Variants in GAS7 observed in about 807,000 individuals in gnomAD.
GAS7 encodes growth arrest-specific protein 7.
A neutral mutation model predicts 71.1 loss-of-function variants in GAS7; 28 were observed. That is an observed-to-expected ratio of 0.39 (90% confidence interval 0.29 to 0.54). The LOEUF is 0.54. Ranked by LOEUF, GAS7 falls within the 20% of genes least tolerant of loss-of-function variation. GAS7 has a pLI of 0.62. For synonymous variants in GAS7, 258 were observed against 245.8 expected (o/e 1.05, Z -0.46); for missense variants, 436 against 627.8 (o/e 0.69, Z 3.27).
chr17:10,032,491 A>G (rs1287484898), intron 1 of GAS7, among the ~76,000 whole-genome samples: 1 of 152,210 alleles, frequency 6.6e-6, no homozygotes, highest in Admixed American at 6.5e-5. Context: ...CCAGACAGCA[A>G]GCTGTGATGT....
At chr17:10,121,616 G>A (rs1394030808) in intron 1 of GAS7, among the ~76,000 whole-genome samples, 1 of 152,138 alleles carries the variant, frequency 6.6e-6, no homozygotes, top group African/African-American at 2.4e-5. Context: ...ATCATATTAT[G>A]TAAATGCTGT....
At chr17:10,054,169 T>C (rs180696439) in intron 1 of GAS7, among the ~76,000 whole-genome samples, 2 of 152,258 alleles carry the variant, frequency 1.3e-5, no homozygotes, top group Admixed American at 1.3e-4. Flanking sequence ...TAACTTTTTT[T>C]TTTTTGAAAA....
chr17:9,976,733 C>T (rs2152124187), intron 3 of GAS7, among the ~76,000 whole-genome samples: 1 of 152,322 alleles, frequency 6.6e-6, no homozygotes, highest in Admixed American at 6.5e-5. Flanking sequence ...TGAGCAAAGC[C>T]AGATCCTGAA....
chr17:10,043,010 T>C (rs2072895122), intron 1 of GAS7, among the ~76,000 whole-genome samples: 1 of 152,128 alleles, frequency 6.6e-6, no homozygotes, highest in African/African-American at 2.4e-5. Flanking sequence ...GTCTGGCCCT[T>C]GGCACATGGA....
Position 9,940,176 on chromosome 17 carries a change from C to T in GAS7, c.756G>A (p.Ala252=), listed in dbSNP as rs369964356. The change falls in exon 8 of 14, where the codon GCG becomes GCA. Residue 252 remains alanine (A), a synonymous_variant. Transcript: ENST00000432992. ...RERIKIEEDY[A]KNLAKLSQNS... ...TCTGAGAGAGCTTAGCTAAGTTCTTCGCATAGTCTTCTTCAATCTTTATCC... is the reference window on the plus strand; with the variant it reads ...TCTGAGAGAGCTTAGCTAAGTTCTTTGCATAGTCTTCTTCAATCTTTATCC... 5.0e-5 allele frequency: 80 copies of T among 1,612,914 alleles called. No homozygotes were observed. Among genetic ancestry groups the T allele is most frequent in the African/African-American group, 3.2e-4 (24 of 75,020 alleles).
intron 5 of GAS7, among the ~76,000 whole-genome samples, chr17:9,954,957 T>C (rs1597534506): frequency 6.6e-6 from 1 of 152,302 alleles, no homozygotes; most frequent in East Asian, 1.9e-4. Context: ...TGGAAGCAAC[T>C]GGAGCCTCGA....
intron 2 of GAS7, among the ~76,000 whole-genome samples, chr17:9,987,276 G>A (rs574518399): frequency 6.6e-6 from 1 of 152,296 alleles, no homozygotes; most frequent in African/African-American, 2.4e-5. Flanking sequence ...GTGCCCCGGG[G>A]AGCCTCTTCC....
At chr17:10,076,162 G>A (rs941768158) in intron 1 of GAS7, among the ~76,000 whole-genome samples, 11 of 128,600 alleles carry the variant, frequency 8.6e-5, no homozygotes, top group African/African-American at 3.3e-4. Flanking sequence ...GGAAAGGGAA[G>A]GGGAAAGGGA....
chr17:9,966,279 T>C (rs1226559191), intron 4 of GAS7, among the ~76,000 whole-genome samples: 1 of 150,600 alleles, frequency 6.6e-6, no homozygotes, highest in Non-Finnish European at 1.5e-5. Context: ...ATTACAGGCT[T>C]GAGCCACCAC....
At chr17:10,114,037 C>T (rs530876302) in intron 1 of GAS7, among the ~76,000 whole-genome samples, 12 of 152,146 alleles carry the variant, frequency 7.9e-5, no homozygotes, top group Non-Finnish European at 1.8e-4. Context: ...GCCTCAGCCT[C>T]CCGAGTAGCT....
At chr17:9,943,336 T>TTG (rs2068675438) in intron 6 of GAS7, 100 bp from the exon 7 acceptor site, 3 of 743,652 alleles carry the variant, frequency 4.0e-6, no homozygotes, top group Non-Finnish European at 7.3e-6. Flanking sequence ...TGCCTGGCAA[T>TTG]CCCAGTCCAG....
At chr17:9,954,554 A>G (rs1171208361) in intron 5 of GAS7, among the ~76,000 whole-genome samples, 4 of 152,136 alleles carry the variant, frequency 2.6e-5, no homozygotes, top group Non-Finnish European at 2.9e-5. Flanking sequence ...GGGATACTCT[A>G]CAGGTAGCCC....
chr17:10,126,366 G>GCACACACACA (rs1491044032), intron 1 of GAS7, among the ~76,000 whole-genome samples: 2 of 40,696 alleles, frequency 4.9e-5, no homozygotes, highest in Non-Finnish European at 1.5e-4. Context: ...ACACACTCTT[G>GCACACACACA]CACACACACC....
chr17:10,182,371 G>A (rs1203030103), intron 1 of GAS7, among the ~76,000 whole-genome samples: 3 of 152,284 alleles, frequency 2.0e-5, no homozygotes, highest in African/African-American at 7.2e-5. Context: ...TGTTGGCCAG[G>A]CTGATCTTGA....
chr17:10,173,215 T>G (rs2074348266), intron 1 of GAS7, among the ~76,000 whole-genome samples: 1 of 151,844 alleles, frequency 6.6e-6, no homozygotes, highest in African/African-American at 2.4e-5. Flanking sequence ...GCTTAATGAG[T>G]ATGGGTTACT....
intron 1 of GAS7, among the ~76,000 whole-genome samples, chr17:10,172,112 G>C (rs2074339622): frequency 6.6e-6 from 1 of 152,186 alleles, no homozygotes; most frequent in Non-Finnish European, 1.5e-5. Context: ...CCTCGGGTCT[G>C]CTTGTTTGGA....
rs1393699775 is a variant in GAS7 at position 9,919,788 on chromosome 17, C to G, written c.1139-83G>C. ...CCCCACCCTGAGCCCCACAGCCAAG[C>G]CTTCTCCTCCCCCTGGGGTCATGGT... On this transcript the variant is annotated intron_variant, in intron 11 of 13. Transcript: ENST00000432992. This position sits in a 1 kb window ranked among gnomAD's most constrained non-coding sequence, Gnocchi z 5.0. The G allele has an allele frequency of 4.0e-6, 4 of 991,274 alleles. No homozygotes were observed. The highest frequency in any genetic ancestry group is 4.7e-5 in the East Asian group (2 of 42,172). 61.4% of individuals were successfully genotyped at this position (991,274 alleles called of 1,614,324 possible).
intron 1 of GAS7, among the ~76,000 whole-genome samples, chr17:10,101,221 A>G (rs1467877618): frequency 6.6e-6 from 1 of 152,192 alleles, no homozygotes; most frequent in East Asian, 1.9e-4. Flanking sequence ...GCTACAATCA[A>G]GATGTCAGCC....
At chr17:10,110,310 T>A (rs1363879003) in intron 1 of GAS7, among the ~76,000 whole-genome samples, 1 of 152,056 alleles carries the variant, frequency 6.6e-6, no homozygotes, top group East Asian at 1.9e-4. Context: ...AAGACAAAGA[T>A]CAGTGTTCTC....
Sources: allele counts gnomAD v4.1 joint callset (sites outside exome capture counted in the v4.1 genomes callset), GRCh38; gene constraint gnomAD v4.1.1; non-coding constraint Gnocchi (gnomAD v3.1); transcripts MANE v1.5; gene names NCBI Gene and HGNC (gene_info 2026-07-23, HGNC 2026-07-21).